Variants in ERC2 observed in about 807,000 individuals in gnomAD.
ERC2 encodes the protein ELKS/RAB6-interacting/CAST family member 2.
In ERC2, 42 loss-of-function variants were observed where a neutral mutation model predicts 114.8. The observed-to-expected ratio is 0.37, with a 90% CI of 0.29 to 0.47. The LOEUF is 0.47. Among genes scored for constraint, ERC2 ranks in the 20% least tolerant of loss-of-function variants. ERC2 has a pLI of 0.99. For synonymous variants in ERC2, 454 were observed against 425.5 expected (o/e 1.07, Z -0.82); for missense variants, 939 against 1,150.7 (o/e 0.82, Z 2.66).
At chr3:56,461,946 G>A (rs1559534452) in intron 1 of ERC2, among the ~76,000 whole-genome samples, 1 of 152,306 alleles carries the variant, frequency 6.6e-6, no homozygotes, top group East Asian at 1.9e-4. Flanking sequence ...GACACAGACA[G>A]TTAAAGTAAC....
intron 14 of ERC2, among the ~76,000 whole-genome samples, chr3:55,737,222 A>G (rs2065689460): frequency 6.6e-6 from 1 of 152,230 alleles, no homozygotes; most frequent in African/African-American, 2.4e-5. Flanking sequence ...AATGCCTGGT[A>G]GTAGGAGCTT....
At chr3:55,941,004 G>A (rs769378259) in intron 13 of ERC2, among the ~76,000 whole-genome samples, 3 of 152,206 alleles carry the variant, frequency 2.0e-5, no homozygotes, top group East Asian at 1.9e-4. Flanking sequence ...AAACAGCATC[G>A]GCTCTTTCTC....
At chr3:56,259,926 G>A (rs1360207755) in intron 3 of ERC2, among the ~76,000 whole-genome samples, 1 of 152,172 alleles carries the variant, frequency 6.6e-6, no homozygotes, top group Non-Finnish European at 1.5e-5. Flanking sequence ...TGCAGAAAAG[G>A]CAGGAGAGAT....
chr3:55,539,504 G>A (rs751597577), intron 17 of ERC2, among the ~76,000 whole-genome samples: 12 of 127,510 alleles, frequency 9.4e-5, no homozygotes, highest in Admixed American at 3.7e-4. Flanking sequence ...CTCACTGCAC[G>A]CTGCACCTCC....
chr3:56,093,487 C>T (rs1477695470), intron 6 of ERC2, among the ~76,000 whole-genome samples: 1 of 152,064 alleles, frequency 6.6e-6, no homozygotes, highest in African/African-American at 2.4e-5. Context: ...ATAAAAACAG[C>T]AATCAGCGAG....
In ERC2 at chr3:56,434,736, T is replaced by A. The variant is rs1312270649; in HGVS notation, c.272A>T (p.Tyr91Phe). 1 of 1,614,000 alleles carries A rather than the reference T, an allele frequency of 6.2e-7. No homozygotes were observed. Among genetic ancestry groups the A allele is most frequent in the Non-Finnish European group, 8.5e-7 (1 of 1,179,882 alleles). ...TLGRATNRAVYGGRVTAMGSS... is the reference protein window; with the variant it reads ...TLGRATNRAVFGGRVTAMGSS... The stretch of plus-strand genomic sequence containing the variant: ...CCCCATGGCTGTGACACGGCCTCCA[T>A]ATACAGCTCGATTTGTAGCCCTTCC... Residue 91 changes from tyrosine to phenylalanine, a missense_variant, in exon 2 of 18, where the codon TAT (tyrosine) becomes TTT (phenylalanine). By Grantham distance (22) the Tyr-to-Phe change is conservative (BLOSUM62 3). This residue lies in a region of ERC2 where 281 missense variants were observed against 307.4 expected (regional missense o/e 0.91). Transcript: ENST00000288221.
At chr3:55,986,074 G>A (rs2070604085) in intron 11 of ERC2, 86 bp from the exon 12 acceptor site, 2 of 1,279,596 alleles carry the variant, frequency 1.6e-6, no homozygotes, top group Admixed American at 2.0e-5. Flanking sequence ...GGAAGGAAAT[G>A]CATTAGTTTT....
At chr3:56,328,642 T>A (rs981727048) in intron 2 of ERC2, among the ~76,000 whole-genome samples, 1 of 152,172 alleles carries the variant, frequency 6.6e-6, no homozygotes, top group Non-Finnish European at 1.5e-5. Context: ...CCAAGCCCCA[T>A]ACATGAATTC....
At chr3:55,752,202 ATGGGAT>A (rs2066746861) in intron 14 of ERC2, among the ~76,000 whole-genome samples, 1 of 152,164 alleles carries the variant, frequency 6.6e-6, no homozygotes, top group South Asian at 2.1e-4. Context: ...ACCCTAAATA[ATGGGAT>A]CACACCAAAA....
intron 2 of ERC2, among the ~76,000 whole-genome samples, chr3:56,420,704 T>G (rs1470766741): frequency 6.7e-6 from 1 of 148,762 alleles, no homozygotes; most frequent in Admixed American, 6.7e-5. Flanking sequence ...GCTAACACGG[T>G]GAAACCCCGT....
intron 7 of ERC2, among the ~76,000 whole-genome samples, chr3:56,060,336 C>A (rs1437585003): frequency 6.6e-6 from 1 of 152,160 alleles, no homozygotes; most frequent in Non-Finnish European, 1.5e-5. Flanking sequence ...TTATCCACAG[C>A]AATTATCTGT....
intron 3 of ERC2, among the ~76,000 whole-genome samples, chr3:56,271,201 G>A (rs2053634181): frequency 6.6e-6 from 1 of 152,130 alleles, no homozygotes; most frequent in Non-Finnish European, 1.5e-5. Context: ...CTAGGGTGAT[G>A]AACTCCTCCT....
intron 17 of ERC2, among the ~76,000 whole-genome samples, chr3:55,571,124 CAAAAAAAAAAAAA>C (rs60594862): frequency 3.0e-5 from 2 of 67,446 alleles, no homozygotes; most frequent in Non-Finnish European, 3.2e-5. Context: ...GAGACTCCGT[CAAAAAAAAAAAAA>C]AAAAAAAAAA....
At chr3:55,929,500 T>A (rs113302842) in intron 13 of ERC2, among the ~76,000 whole-genome samples, 3 of 152,230 alleles carry the variant, frequency 2.0e-5, no homozygotes, top group Admixed American at 2.0e-4. Context: ...ATTCCTGTTC[T>A]TCCAATGGGA....
At chr3:55,949,628 T>A (rs1034297226) in intron 13 of ERC2, among the ~76,000 whole-genome samples, 7 of 152,168 alleles carry the variant, frequency 4.6e-5, no homozygotes, top group African/African-American at 1.7e-4. Context: ...GAACTATGAG[T>A]ACATATTGAA....
chr3:55,621,615 C>T (rs1439623653), intron 17 of ERC2, among the ~76,000 whole-genome samples: 1 of 152,134 alleles, frequency 6.6e-6, no homozygotes, highest in African/African-American at 2.4e-5. Flanking sequence ...AATTATAATG[C>T]AAAGTGTTAA....
intron 17 of ERC2, among the ~76,000 whole-genome samples, chr3:55,569,567 C>A (rs1430618561): frequency 6.6e-6 from 1 of 152,214 alleles, no homozygotes; most frequent in Admixed American, 6.5e-5. Flanking sequence ...TTTGGCACAA[C>A]TTGACAATTA....
intron 13 of ERC2, among the ~76,000 whole-genome samples, chr3:55,944,585 C>A (rs1212858244): frequency 6.6e-6 from 1 of 152,190 alleles, no homozygotes; most frequent in Non-Finnish European, 1.5e-5. Flanking sequence ...CACGATTGCA[C>A]TTGGCTTCTT....
intron 17 of ERC2, among the ~76,000 whole-genome samples, chr3:55,514,471 G>T (rs1444812441): frequency 6.6e-6 from 1 of 152,208 alleles, no homozygotes; most frequent in Non-Finnish European, 1.5e-5. Context: ...TTAAAAAAGG[G>T]TGGATCTGAG....
Sources: allele counts gnomAD v4.1 joint callset (sites outside exome capture counted in the v4.1 genomes callset), GRCh38; gene constraint gnomAD v4.1.1; regional missense constraint gnomAD v4.1.1; transcripts MANE v1.5; gene names NCBI Gene and HGNC (gene_info 2026-07-23, HGNC 2026-07-21).